Variants in MCM9 observed in about 807,000 individuals in gnomAD.
MCM9 encodes minichromosome maintenance 9 homologous recombination repair factor.
MCM9 carries 55 observed loss-of-function variants against 72.8 expected under a neutral mutation model. The observed-to-expected ratio is 0.76, with a 90% CI of 0.61 to 0.95. MCM9 has a LOEUF of 0.95. Among genes scored for constraint, MCM9 ranks in the 40% least tolerant of loss-of-function variants. The pLI, the probability that MCM9 is intolerant of heterozygous loss-of-function variation, is 0.00. For missense variants in MCM9, 1,279 were observed against 1,377.0 expected (o/e 0.93, Z 1.13); for synonymous variants, 480 against 503.4 (o/e 0.95, Z 0.62).
intron 8 of MCM9, chr6:118,894,430 T>G: frequency 6.5e-7 from 1 of 1,536,968 alleles, no homozygotes; most frequent in Non-Finnish European, 8.7e-7. Context: ...AAGGTTCAGG[T>G]GAACAATGTA....
intron 9 of MCM9, among the ~76,000 whole-genome samples, chr6:118,833,089 C>T (rs1040545391): frequency 6.6e-6 from 1 of 152,090 alleles, no homozygotes; most frequent in Non-Finnish European, 1.5e-5. Context: ...GAGGATAAAG[C>T]CCTGGAGTCA....
chr6:118,835,443 T>C (rs1774890434), intron 9 of MCM9, among the ~76,000 whole-genome samples: 2 of 152,252 alleles, frequency 1.3e-5, no homozygotes, highest in Non-Finnish European at 2.9e-5. Context: ...CTTTGAGCAG[T>C]ATGGCCATTT....
intron 8 of MCM9, 128 bp from the exon 9 acceptor site, chr6:118,856,673 G>T (rs1776572654): frequency 5.2e-6 from 5 of 963,486 alleles, no homozygotes; most frequent in Middle Eastern, 3.2e-4. Flanking sequence ...GAACACAGGA[G>T]TTCGAGGCCT....
rs1458133297 is a variant in MCM9, at chr6:118,816,150, G to T, written c.2106C>A (p.Phe702Leu). The change falls in exon 14 of 14, where the codon TTC becomes TTA. Residue 702 changes from phenylalanine to leucine, a missense_variant. Phe to Leu is a conservative substitution (Grantham distance 22, BLOSUM62 0). Coordinates refer to ENST00000619706, the MANE Select transcript of MCM9 (RefSeq NM_017696.3). Reference protein sequence around the residue: ...QQEINYSTHIFSPGGSPEGSP... With the variant: ...QQEINYSTHILSPGGSPEGSP... ...TTCCCTCGGGGCTGCCTCCAGGAGA[G>T]AAGATATGTGTGCTATAGTTGATTT... is the stretch of plus-strand genomic sequence containing the variant. 2 of 1,550,496 alleles carry T rather than the reference G, an allele frequency of 1.3e-6. No individual in the cohort carries two copies. Among genetic ancestry groups the T allele is most frequent in the Non-Finnish European group, 1.7e-6 (2 of 1,146,930 alleles).
intron 8 of MCM9, chr6:118,900,809 A>C: frequency 6.2e-7 from 1 of 1,613,886 alleles, no homozygotes. Flanking sequence ...CAGAAAGTGA[A>C]GAATACGATC....
At chr6:118,844,998 G>A (rs1004873927) in intron 9 of MCM9, among the ~76,000 whole-genome samples, 4 of 151,812 alleles carry the variant, frequency 2.6e-5, no homozygotes, top group African/African-American at 9.7e-5. Context: ...CCACAGCAGT[G>A]ATTGGCACCT....
At chr6:118,819,087 T>C (rs1398613834) in intron 13 of MCM9, among the ~76,000 whole-genome samples, 1 of 151,304 alleles carries the variant, frequency 6.6e-6, no homozygotes, top group African/African-American at 2.5e-5. Context: ...TAGCTTCCTC[T>C]CTTCCTATAT....
intron 8 of MCM9, 187 bp downstream of exon 8, chr6:118,911,463 A>C: frequency 7.6e-7 from 1 of 1,309,358 alleles, no homozygotes; most frequent in Non-Finnish European, 9.7e-7. Context: ...ATGCAAAGTG[A>C]AGGTGGAGCT....
intron 8 of MCM9, chr6:118,894,401 T>C (rs1779199350): frequency 1.1e-5 from 17 of 1,536,852 alleles, no homozygotes; most frequent in Non-Finnish European, 1.4e-5. Context: ...ATTGTTTGTG[T>C]TTTTTTCAAA....
At chr6:118,851,712 A>T (rs1317243434) in intron 9 of MCM9, among the ~76,000 whole-genome samples, 1 of 149,826 alleles carries the variant, frequency 6.7e-6, no homozygotes, top group Non-Finnish European at 1.5e-5. Flanking sequence ...ACTGGTTGTG[A>T]TCCATGTCAT....
At position 118,826,378 on chromosome 6, in the gene MCM9, G is replaced by A; in HGVS notation, c.1816-86C>T. 4 of 1,399,274 alleles carry A rather than the reference G, an allele frequency of 2.9e-6. No homozygotes were observed. The South Asian group carries it at 4.5e-5, about 16-fold the overall frequency. 86.7% of individuals were successfully genotyped at this position (1,399,274 alleles called of 1,614,324 possible). A position where few individuals can be genotyped will look rare whatever the true frequency, so the allele number is the denominator to read the frequency against. The stretch of plus-strand genomic sequence containing the variant: ...CTCTAGGGACCAGCAATCCCCGGGG[G>A]CTAAGACCGCCGTTTACACCCCTAT... On this transcript the variant is annotated intron_variant, in intron 12 of 13. Coordinates refer to ENST00000619706, the MANE Select transcript of MCM9 (RefSeq NM_017696.3).
At chr6:118,934,629 C>G (rs1009937992) in intron 1 of MCM9, among the ~76,000 whole-genome samples, 2 of 152,202 alleles carry the variant, frequency 1.3e-5, no homozygotes, top group African/African-American at 2.4e-5. Context: ...CTCGGCTGCC[C>G]CAGGGGCGCC....
rs1290486323 is a variant in MCM9 at position 118,929,203 on chromosome 6, G to A, written c.304+2217C>T. 3.9e-5 allele frequency among the ~76,000 whole-genome samples: 6 copies of A among 152,342 alleles called. No individual in the cohort carries two copies. In the South Asian group the frequency reaches 1.2e-3, roughly 32 times the overall value. On this transcript the variant is annotated intron_variant, in intron 3 of 13. Coordinates refer to ENST00000619706, the MANE Select transcript of MCM9 (RefSeq NM_017696.3). Reference sequence around the variant, plus strand: ...TCACTGGACTCCAGCCTGGACAACAGAGCAAGACTCTGTCTCAAAAACAAA... The same window carrying A: ...TCACTGGACTCCAGCCTGGACAACAAAGCAAGACTCTGTCTCAAAAACAAA...
At chr6:118,868,396 C>A (rs1777362546) in intron 8 of MCM9, among the ~76,000 whole-genome samples, 1 of 152,100 alleles carries the variant, frequency 6.6e-6, no homozygotes, top group Non-Finnish European at 1.5e-5. Context: ...AAAGCAATGG[C>A]AACGAAAGCC....
At position 118,814,813 on chromosome 6, in the gene MCM9, G is replaced by A. The variant is rs553453962; in HGVS notation, c.*11C>T. The A allele has an allele frequency of 6.7e-7, 1 of 1,482,912 alleles. No individual in the cohort carries two copies. Among genetic ancestry groups the A allele is most frequent in the South Asian group, 1.4e-5 (1 of 72,232 alleles). 91.9% of individuals were successfully genotyped at this position (1,482,912 alleles called of 1,614,324 possible). ...GAAGAAGGTGAGATTTGACCAGAAA[G>A]CTTTTCCCAACTATGACTTTTTTCT... On this transcript the variant is annotated 3_prime_UTR_variant, in exon 14 of 14. Transcript: ENST00000619706.
chr6:118,896,090 T>C (rs956778265), intron 8 of MCM9, among the ~76,000 whole-genome samples: 3 of 151,092 alleles, frequency 2.0e-5, no homozygotes, highest in Admixed American at 1.3e-4. Context: ...CACATACATA[T>C]ATAGGGCAAA....
chr6:118,847,399 T>C (rs1775936933), intron 9 of MCM9, among the ~76,000 whole-genome samples: 1 of 129,092 alleles, frequency 7.7e-6, no homozygotes, highest in Admixed American at 9.1e-5. Flanking sequence ...GTAACAAACA[T>C]GCTCATGTGC....
At chr6:118,904,228 A>G (rs1339542048) in intron 8 of MCM9, among the ~76,000 whole-genome samples, 1 of 152,210 alleles carries the variant, frequency 6.6e-6, no homozygotes, top group African/African-American at 2.4e-5. Context: ...AATGAAAAAA[A>G]TGTTGAGACT....
At position 118,815,177 on chromosome 6, in the gene MCM9, C is replaced by T; in HGVS notation, c.3079G>A (p.Gly1027Arg). The part of the protein sequence containing the change: ...QPELELGNET[G>R]CAHLTCEGDK... ...CCCTCACAAGTAAGATGAGCACACC[C>T]AGTCTCGTTCCCAAGCTCTAATTCA... is the stretch of plus-strand genomic sequence containing the variant. Residue 1027 changes from glycine (G) to arginine (R), a missense_variant, in exon 14 of 14, where the codon GGG becomes AGG. Physicochemically the swap from Gly to Arg is moderately radical, Grantham distance 125. Transcript: ENST00000619706. 6.4e-7 allele frequency: 1 copy of T among 1,550,580 alleles called. No individual in the cohort carries two copies. Among genetic ancestry groups the T allele is most frequent in the Non-Finnish European group, 8.7e-7 (1 of 1,146,980 alleles).
Sources: gnomAD v4.1 joint callset for allele counts (sites outside exome capture counted in the v4.1 genomes callset) on GRCh38, gnomAD v4.1.1 for gene constraint, MANE v1.5 for transcripts, NCBI Gene and HGNC (gene_info 2026-07-23, HGNC 2026-07-21) for gene names.